The following ZNF101 variants were observed in gnomAD, a reference collection of about 807,000 sequenced individuals.
ZNF101 encodes zinc finger protein 101 (Y2).
Under a neutral mutation model 42.6 loss-of-function variants are expected in ZNF101, and 34 were observed. That is an observed-to-expected ratio of 0.80 (90% CI 0.61 to 1.06). The LOEUF is 1.06. Ranked by LOEUF, ZNF101 falls within the 50% of genes least tolerant of loss-of-function variation. ZNF101 has a pLI of 0.00. For missense variants in ZNF101, 466 were observed against 530.9 expected, an observed-to-expected ratio of 0.88 and a Z score of 1.20; for synonymous variants, 158 against 183.9, an observed-to-expected ratio of 0.86 and a Z score of 1.14.
chr19:19,681,991 CG>C lies in ZNF101; in HGVS notation c.*1693del, dbSNP rs1258845079. 1 of 137,452 alleles carries C rather than the reference CG, an allele frequency of 7.3e-6. No homozygotes were observed. Among genetic ancestry groups the C allele is most frequent in the Non-Finnish European group, 1.5e-5 (1 of 65,090 alleles). 8.5% of individuals were successfully genotyped at this position (137,452 alleles called of 1,614,324 possible). A position where few individuals can be genotyped will look rare whatever the true frequency, so the allele number is the denominator to read the frequency against. On this transcript the variant is annotated 3_prime_UTR_variant, in exon 4 of 4. Coordinates refer to ENST00000592502, the MANE Select transcript of ZNF101 (RefSeq NM_033204.4). ...AGGCTGGAGTGCAGTGGCACAATCT[CG>C]GCTCACTGCAACCTCCGCCTCCTGG... is the stretch of plus-strand genomic sequence containing the variant.
chr19:19,672,326 C>T (rs994121263), intron 1 of ZNF101: 1 of 151,350 alleles, frequency 6.6e-6, no homozygotes, highest in Non-Finnish European at 1.5e-5. Flanking sequence ...TAGCTGAACC[C>T]GGTAGCTGAA....
chr19:19,675,325 G>A (rs2062196009), intron 1 of ZNF101, among the ~76,000 whole-genome samples: 1 of 151,410 alleles, frequency 6.6e-6, no homozygotes, highest in African/African-American at 2.4e-5. Flanking sequence ...TTTTAGTAGA[G>A]ACGGAGTTTC....
chr19:19,673,099 C>T (rs938316928), intron 1 of ZNF101, among the ~76,000 whole-genome samples: 1 of 151,902 alleles, frequency 6.6e-6, no homozygotes, highest in Non-Finnish European at 1.5e-5. Context: ...CGCATGCCAC[C>T]ACGCCTGGCT....
At chr19:19,675,826 C>G (rs2062199686) in intron 1 of ZNF101, among the ~76,000 whole-genome samples, 1 of 151,970 alleles carries the variant, frequency 6.6e-6, no homozygotes, top group South Asian at 2.1e-4. Context: ...CTGGGCAACA[C>G]AGGGAGAGCC....
At position 19,678,778 on chromosome 19, in the gene ZNF101, T is replaced by G; in HGVS notation, c.183T>G (p.Ile61Met). ...AGAATCTGTACCAAAACCTGGGGAT[T>G]AAGCTAAGGTAATCTCCACTCACAA... is the stretch of plus-strand genomic sequence containing the variant. ...DIENLYQNLG[I>M]KLRSLVERLC... The change falls in exon 3 of 4, where the codon ATT becomes ATG. Residue 61 changes from isoleucine (I) to methionine (M), a missense_variant. Coordinates refer to ENST00000592502, the MANE Select transcript of ZNF101 (RefSeq NM_033204.4). 1.2e-6 allele frequency: 2 copies of G among 1,610,940 alleles called. No individual in the cohort carries two copies. Among genetic ancestry groups the G allele is most frequent in the Non-Finnish European group, 1.7e-6 (2 of 1,179,054 alleles).
At chr19:19,669,538 G>A (rs777891926) in intron 1 of ZNF101, among the ~76,000 whole-genome samples, 3 of 152,118 alleles carry the variant, frequency 2.0e-5, no homozygotes, top group Non-Finnish European at 2.9e-5. Context: ...CTGTCGCCCA[G>A]GCTGGAGTGC....
rs1369082690 is a variant in ZNF101, at chr19:19,680,358, T to C, written c.*58T>C. On this transcript the variant is annotated 3_prime_UTR_variant, in exon 4 of 4. Transcript: ENST00000592502. ...TCGGCTGGGTACGGTGGCTCACGCT[T>C]GTAATCCCAGCACTTTGGGAGGCTG... 1.0e-6 allele frequency: 1 copy of C among 997,340 alleles called. No individual in the cohort carries two copies. Among genetic ancestry groups the C allele is most frequent in the Non-Finnish European group, 1.4e-6 (1 of 716,188 alleles). 61.8% of individuals were successfully genotyped at this position (997,340 alleles called of 1,614,324 possible).
chr19:19,679,107 G>C, intron 3 of ZNF101, 74 bp from the exon 4 acceptor site: 1 of 1,555,676 alleles, frequency 6.4e-7, no homozygotes. Context: ...AGCAGCATAA[G>C]TCTTAAGACA....
intron 1 of ZNF101, 191 bp from the exon 2 acceptor site, chr19:19,677,673 C>G: frequency 1.1e-6 from 1 of 871,076 alleles, no homozygotes; most frequent in East Asian, 3.9e-5. Context: ...GTGGCTGGCT[C>G]TCTGAGTAGG....
rs2062150811 is a variant in ZNF101 at position 19,668,889 on chromosome 19, G to A, written c.-75G>A. The A allele has an allele frequency of 3.3e-6, 5 of 1,514,856 alleles. No individual in the cohort carries two copies. The highest frequency in any genetic ancestry group is 1.7e-4 in the Middle Eastern group (1 of 5,816). The allele number at this position is 1,514,856 out of a possible 1,614,324, so 93.8% of individuals were successfully genotyped here. ...GGGGAGCCCCTGGTGCCCCGGATAC[G>A]GCTGATTTTGTCGTGTGGGACCTGT... On this transcript the variant is annotated 5_prime_UTR_variant, in exon 1 of 4. Transcript: ENST00000592502.
In ZNF101 at chr19:19,680,371, C is replaced by T. The variant is rs1159797300; in HGVS notation, c.*71C>T. The T allele has an allele frequency of 2.4e-6, 2 of 839,412 alleles. No individual in the cohort carries two copies. Among genetic ancestry groups the T allele is most frequent in the Non-Finnish European group, 3.4e-6 (2 of 581,934 alleles). The allele number at this position is 839,412 out of a possible 1,614,324, so 52.0% of individuals were successfully genotyped here. ...GTGGCTCACGCTTGTAATCCCAGCA[C>T]TTTGGGAGGCTGAGGCGGGTGGATC... On this transcript the variant is annotated 3_prime_UTR_variant, in exon 4 of 4. Transcript: ENST00000592502.
chr19:19,679,933 G>A lies in ZNF101; in HGVS notation c.944G>A (p.Cys315Tyr). 1 of 1,614,114 alleles carries A rather than the reference G, an allele frequency of 6.2e-7. No homozygotes were observed. Among genetic ancestry groups the A allele is most frequent in the South Asian group, 1.1e-5 (1 of 91,086 alleles). ...SGGKLYECQK[C>Y]AKVFRCPTSL... ...GGAAAACTCTACGAATGTCAAAAATGTGCCAAAGTCTTTAGATGTCCCACG... is the reference window on the plus strand; with the variant it reads ...GGAAAACTCTACGAATGTCAAAAATATGCCAAAGTCTTTAGATGTCCCACG... Residue 315 changes from cysteine (C) to tyrosine (Y), a missense_variant, in exon 4 of 4, where the codon TGT becomes TAT. Physicochemically the swap from Cys to Tyr is radical, Grantham distance 194. Coordinates refer to ENST00000592502, the MANE Select transcript of ZNF101 (RefSeq NM_033204.4).
Position 19,680,504 on chromosome 19 carries a change from A to C in ZNF101, c.*204A>C. ...CATGGTGGTGGGCACCTGTAATCTC[A>C]GCTACTCGGGAGGCCGAGGCAGGAG... On this transcript the variant is annotated 3_prime_UTR_variant, in exon 4 of 4. Coordinates refer to ENST00000592502, the MANE Select transcript of ZNF101 (RefSeq NM_033204.4). 3.2e-6 allele frequency: 1 copy of C among 316,906 alleles called. No homozygotes were observed. Among genetic ancestry groups the C allele is most frequent in the Non-Finnish European group, 5.8e-6 (1 of 173,674 alleles). 19.6% of individuals were successfully genotyped at this position (316,906 alleles called of 1,614,324 possible).
chr19:19,679,899 CAT>C lies in ZNF101; in HGVS notation c.912_913del (p.His304GlnfsTer16). 6.2e-7 allele frequency: 1 copy of C among 1,614,122 alleles called. No individual in the cohort carries two copies. The highest frequency in any genetic ancestry group is 8.5e-7 in the Non-Finnish European group (1 of 1,180,034). On this transcript the variant is annotated frameshift_variant, in exon 4 of 4. Coordinates refer to ENST00000592502, the MANE Select transcript of ZNF101 (RefSeq NM_033204.4). LOFTEE classifies it high-confidence loss of function. ...TTCCCTTCACAGACATGAAAGAACT[CAT>C]AGTGGAGGAAAACTCTACGAATGTC... is the stretch of plus-strand genomic sequence containing the variant. ...SSSLHRHERT[H>X]SGGKLYECQK...
chr19:19,673,102 G>A (rs769248836), intron 1 of ZNF101, among the ~76,000 whole-genome samples: 4 of 150,834 alleles, frequency 2.7e-5, no homozygotes, highest in Non-Finnish European at 5.9e-5. Context: ...ATGCCACCAC[G>A]CCTGGCTAAT....
intron 1 of ZNF101, among the ~76,000 whole-genome samples, chr19:19,669,168 GC>G (rs1280734895): frequency 4.6e-5 from 7 of 152,212 alleles, no homozygotes; most frequent in African/African-American, 1.7e-4. Context: ...CGGCCCCGGA[GC>G]CCTCTCAGGG....
In ZNF101 at chr19:19,679,726, C is replaced by T. The variant is rs902848785; in HGVS notation, c.737C>T (p.Thr246Ile). The change falls in exon 4 of 4, where the codon ACT (threonine) becomes ATT (isoleucine). Residue 246 changes from threonine to isoleucine, a missense_variant. By Grantham distance (89) the Thr-to-Ile change is moderately conservative. Transcript: ENST00000592502. ...YPSLFQIHVR[T>I]HTGEKPYKCK... The stretch of plus-strand genomic sequence containing the variant: ...AGTTTATTTCAAATTCATGTTAGAA[C>T]TCACACTGGAGAAAAACCTTACAAA... The T allele has an allele frequency of 6.2e-7, 1 of 1,614,120 alleles. No homozygotes were observed. The highest frequency in any genetic ancestry group is 1.7e-5 in the Admixed American group (1 of 60,010).
At chr19:19,674,404 C>G (rs1274276394) in intron 1 of ZNF101, among the ~76,000 whole-genome samples, 7 of 152,188 alleles carry the variant, frequency 4.6e-5, no homozygotes, top group Admixed American at 3.3e-4. Context: ...TTGAACTTCT[C>G]ACCTCAAGTG....
rs2062239894 is a variant in ZNF101, at chr19:19,681,493, G to A, written c.*1193G>A. The A allele has an allele frequency of 6.6e-6, 1 of 152,198 alleles. No individual in the cohort carries two copies. The highest frequency in any genetic ancestry group is 1.5e-5 in the Non-Finnish European group (1 of 68,036). 9.4% of individuals were successfully genotyped at this position (152,198 alleles called of 1,614,324 possible). On this transcript the variant is annotated 3_prime_UTR_variant, in exon 4 of 4. Coordinates refer to ENST00000592502, the MANE Select transcript of ZNF101 (RefSeq NM_033204.4). Reference sequence around the variant, plus strand: ...GGGCTGTGCACAGTGGCTCTCCCCTGTAATCCCAGCATTTTGGGAGGCTGG... The same window carrying A: ...GGGCTGTGCACAGTGGCTCTCCCCTATAATCCCAGCATTTTGGGAGGCTGG...
Sources: gnomAD v4.1 joint callset for allele counts (sites outside exome capture counted in the v4.1 genomes callset) on GRCh38, gnomAD v4.1.1 for gene constraint, MANE v1.5 for transcripts, NCBI Gene and HGNC (gene_info 2026-07-23, HGNC 2026-07-21) for gene names.